The following MAPRE2 variants were observed in gnomAD, a reference collection of about 807,000 sequenced individuals.
MAPRE2 encodes the protein microtubule-associated protein RP/EB family member 2.
In MAPRE2, 13 loss-of-function variants were observed where a neutral mutation model predicts 43.2. The ratio of observed to expected loss-of-function variants is 0.30; its 90% CI spans 0.20 to 0.48. The LOEUF is 0.48. Among genes scored for constraint, MAPRE2 ranks in the 20% least tolerant of loss-of-function variants. The pLI is 0.99. For missense variants in MAPRE2, 161 were observed against 400.2 expected (o/e 0.40, Z 5.10); for synonymous variants, 135 against 148.8 (o/e 0.91, Z 0.68).
chr18:35,054,872 A>G (rs1906135971), intron 1 of MAPRE2, among the ~76,000 whole-genome samples: 1 of 152,220 alleles, frequency 6.6e-6, no homozygotes, highest in South Asian at 2.1e-4. Flanking sequence ...ATTTGGTCAT[A>G]GTTCGCAATG....
At chr18:34,987,452 T>G (rs957525874) in intron 1 of MAPRE2, among the ~76,000 whole-genome samples, 2 of 152,196 alleles carry the variant, frequency 1.3e-5, no homozygotes, top group African/African-American at 2.4e-5. Flanking sequence ...AGCCCTGAAC[T>G]AGAGGATTCA....
At position 35,132,144 on chromosome 18, in the gene MAPRE2, A is replaced by G. The variant is rs894434085; in HGVS notation, c.863A>G (p.Asp288Gly). 1 of 1,614,066 alleles carries G rather than the reference A, an allele frequency of 6.2e-7. No homozygotes were observed. Among genetic ancestry groups the G allele is most frequent in the African/African-American group, 1.3e-5 (1 of 74,930 alleles). The part of the protein sequence containing the change: ...LCQEHGQEND[D>G]LVQRLMDILY... ...CAAGAACACGGGCAGGAAAATGATGACCTCGTGCAGAGACTAATGGACATC... is the reference window on the plus strand; with the variant it reads ...CAAGAACACGGGCAGGAAAATGATGGCCTCGTGCAGAGACTAATGGACATC... Residue 288 changes from aspartate (D) to glycine (G), a missense_variant, in exon 6 of 7, where the codon GAC becomes GGC. Transcript: ENST00000300249.
chr18:35,124,289 A>C (rs1408049885), intron 4 of MAPRE2, among the ~76,000 whole-genome samples: 8 of 152,176 alleles, frequency 5.3e-5, no homozygotes, highest in Admixed American at 5.2e-4. Flanking sequence ...AAACCGTCAG[A>C]TCTCATGAGA....
chr18:35,044,939 A>G (rs1395861195), intron 1 of MAPRE2, among the ~76,000 whole-genome samples: 1 of 152,250 alleles, frequency 6.6e-6, no homozygotes, highest in East Asian at 1.9e-4. Flanking sequence ...ACAGCATGGA[A>G]CAGAGTGGGT....
At chr18:35,030,768 T>C (rs1336020102) in intron 2 of MAPRE2, among the ~76,000 whole-genome samples, 1 of 151,840 alleles carries the variant, frequency 6.6e-6, no homozygotes, top group Non-Finnish European at 1.5e-5. Context: ...CACATTCTGG[T>C]TTCTCTGTGA....
chr18:35,124,599 T>C (rs776524807), intron 4 of MAPRE2, among the ~76,000 whole-genome samples: 4 of 152,238 alleles, frequency 2.6e-5, no homozygotes, highest in Non-Finnish European at 5.9e-5. Context: ...CTCCAGTGCA[T>C]GGCCCATGGC....
chr18:35,126,368 C>T (rs1466884058), intron 4 of MAPRE2, among the ~76,000 whole-genome samples: 5 of 152,196 alleles, frequency 3.3e-5, no homozygotes, highest in Non-Finnish European at 7.4e-5. Context: ...TGCACCATCC[C>T]TAGAATCAGC....
At chr18:35,046,474 T>C (rs1169695437) in intron 1 of MAPRE2, among the ~76,000 whole-genome samples, 4 of 152,206 alleles carry the variant, frequency 2.6e-5, no homozygotes, top group Admixed American at 6.5e-5. Flanking sequence ...ATGTAGGCTT[T>C]AGGATCAGGC....
At chr18:34,984,316 G>A (rs1341645751) in intron 1 of MAPRE2, 2 of 152,008 alleles carry the variant, frequency 1.3e-5, no homozygotes, top group Admixed American at 1.3e-4. Flanking sequence ...CCACAGAATG[G>A]GAGTTTGCTA....
intron 1 of MAPRE2, among the ~76,000 whole-genome samples, chr18:34,994,112 C>T (rs1002117588): frequency 1.3e-5 from 2 of 151,142 alleles, no homozygotes; most frequent in African/African-American, 4.9e-5. Flanking sequence ...CCTGGCTCTC[C>T]AGTACATTGT....
chr18:35,129,661 G>A (rs894229208), intron 5 of MAPRE2, among the ~76,000 whole-genome samples: 12 of 152,314 alleles, frequency 7.9e-5, no homozygotes, highest in African/African-American at 2.4e-4. Flanking sequence ...GTCTTCGCTC[G>A]GAGCGCGGGT....
upstream of MAPRE2, among the ~76,000 whole-genome samples, chr18:35,036,626 C>T (rs528428834): frequency 9.9e-5 from 15 of 152,228 alleles, no homozygotes; most frequent in South Asian, 2.3e-3. Flanking sequence ...CTTTATCTTC[C>T]CTCTACACTG....
At chr18:34,992,010 G>A (rs1410680519) in intron 1 of MAPRE2, among the ~76,000 whole-genome samples, 3 of 152,066 alleles carry the variant, frequency 2.0e-5, no homozygotes, top group Non-Finnish European at 2.9e-5. Context: ...CGTTTTTTAT[G>A]TTTTGGGTTT....
chr18:35,110,110 C>T (rs1909112680), intron 4 of MAPRE2, among the ~76,000 whole-genome samples: 2 of 152,066 alleles, frequency 1.3e-5, no homozygotes, highest in South Asian at 4.2e-4. Flanking sequence ...CTGCAGCCAC[C>T]CCTATAGTTG....
At chr18:35,105,579 T>C (rs1908868434) in intron 4 of MAPRE2, among the ~76,000 whole-genome samples, 1 of 152,164 alleles carries the variant, frequency 6.6e-6, no homozygotes, top group East Asian at 1.9e-4. Flanking sequence ...AGAGTCAGAA[T>C]AGGTGCTATA....
intron 2 of MAPRE2, among the ~76,000 whole-genome samples, chr18:35,074,846 G>C (rs1473910818): frequency 6.6e-6 from 1 of 152,124 alleles, no homozygotes; most frequent in Non-Finnish European, 1.5e-5. Flanking sequence ...GCACTGCCTG[G>C]ACTGTCACTA....
chr18:35,041,324 G>C (rs888607242), upstream of MAPRE2: 5 of 1,426,116 alleles, frequency 3.5e-6, no homozygotes, highest in African/African-American at 7.2e-5. Context: ...CAACAGGCTG[G>C]CCACGTGACC....
intron 1 of MAPRE2, among the ~76,000 whole-genome samples, chr18:35,056,338 C>A (rs1446363679): frequency 2.6e-5 from 4 of 151,972 alleles, no homozygotes; most frequent in Non-Finnish European, 4.4e-5. Flanking sequence ...ATAGCTAAAG[C>A]TGAAATAATA....
chr18:34,994,593 G>A (rs575660374), intron 1 of MAPRE2, among the ~76,000 whole-genome samples: 1 of 152,098 alleles, frequency 6.6e-6, no homozygotes, highest in Admixed American at 6.5e-5. Flanking sequence ...CTGAAGATAG[G>A]TATTCCCTCC....
Sources: gnomAD v4.1 joint callset for allele counts (sites outside exome capture counted in the v4.1 genomes callset) on GRCh38, gnomAD v4.1.1 for gene constraint, MANE v1.5 for transcripts, NCBI Gene and HGNC (gene_info 2026-07-23, HGNC 2026-07-21) for gene names.